LRRIQ1: variants seen among roughly 807,000 people sequenced by gnomAD.
The protein encoded by LRRIQ1 is leucine-rich repeat- and IQ domain-containing protein 1.
LRRIQ1 carries 210 observed loss-of-function variants against 211.9 expected under a neutral mutation model. That is an observed-to-expected ratio of 0.99 (90% CI 0.89 to 1.11). The LOEUF is 1.11. Among genes scored for constraint, LRRIQ1 ranks in the 50% most tolerant of loss-of-function variants. The pLI, the probability that LRRIQ1 is intolerant of heterozygous loss-of-function variation, is 0.00. For synonymous variants in LRRIQ1, 699 were observed against 650.1 expected, an observed-to-expected ratio of 1.08 and a Z score of -1.14; for missense variants, 2,136 against 1,939.5, an observed-to-expected ratio of 1.10 and a Z score of -1.90.
At chr12:85,206,307 T>A (rs1893540907) in intron 24 of LRRIQ1, among the ~76,000 whole-genome samples, 1 of 152,212 alleles carries the variant, frequency 6.6e-6, no homozygotes, top group East Asian at 1.9e-4. Context: ...GCATTCCATC[T>A]ACAAGTGGTA....
At chr12:85,216,215 G>A (rs758397730) in intron 24 of LRRIQ1, among the ~76,000 whole-genome samples, 1 of 151,960 alleles carries the variant, frequency 6.6e-6, no homozygotes, top group Non-Finnish European at 1.5e-5. Context: ...TGTCCCCATC[G>A]CTGTGTCCAT....
At chr12:85,110,320 A>G (rs1444054831) in intron 15 of LRRIQ1, among the ~76,000 whole-genome samples, 2 of 152,150 alleles carry the variant, frequency 1.3e-5, no homozygotes, top group African/African-American at 2.4e-5. Flanking sequence ...AAAAATAATA[A>G]TGATCAAAAC....
At chr12:85,105,342 G>T (rs1374695968) in intron 14 of LRRIQ1, among the ~76,000 whole-genome samples, 2 of 152,042 alleles carry the variant, frequency 1.3e-5, no homozygotes, top group Admixed American at 1.3e-4. Flanking sequence ...TTAGGCCTAT[G>T]ATCCCTCTCA....
rs182362688 is a variant in LRRIQ1, at chr12:85,121,191, G to A, written c.3378-506G>A. Among the ~76,000 whole-genome samples the A allele has an allele frequency of 6.6e-5, 10 of 152,090 alleles. No individual in the cohort carries two copies. The East Asian group carries it at 1.7e-3, about 26-fold the overall frequency. On this transcript the variant is annotated intron_variant, in intron 15 of 26. Coordinates refer to ENST00000393217, the MANE Select transcript of LRRIQ1 (RefSeq NM_001079910.2). ...CTTTATAATCCTTAGCAAGATTCAGGAGAAAATATAATTGTAGATGTTCCA... is the reference window on the plus strand; with the variant it reads ...CTTTATAATCCTTAGCAAGATTCAGAAGAAAATATAATTGTAGATGTTCCA...
At chr12:85,206,605 G>A (rs1893560938) in intron 24 of LRRIQ1, among the ~76,000 whole-genome samples, 1 of 152,124 alleles carries the variant, frequency 6.6e-6, no homozygotes, top group African/African-American at 2.4e-5. Flanking sequence ...CTGCATGAGT[G>A]ATTGCTAGCA....
At chr12:85,222,038 T>C (rs1894429528) in intron 24 of LRRIQ1, among the ~76,000 whole-genome samples, 1 of 152,148 alleles carries the variant, frequency 6.6e-6, no homozygotes. Context: ...TGGTAAAATA[T>C]GCAGTTGGAA....
chr12:85,259,856 A>G (rs1224368098), intron 1 of LRRIQ1, among the ~76,000 whole-genome samples: 2 of 152,066 alleles, frequency 1.3e-5, no homozygotes, highest in African/African-American at 4.8e-5. Context: ...AGTAAGTACA[A>G]AAAGATTTAA....
intron 1 of LRRIQ1, among the ~76,000 whole-genome samples, chr12:85,037,114 A>C (rs1241914960): frequency 6.6e-6 from 1 of 152,220 alleles, no homozygotes; most frequent in Non-Finnish European, 1.5e-5. Context: ...TTGTTATTAC[A>C]CGTTGAAATA....
chr12:85,153,908 A>G (rs967759863), intron 22 of LRRIQ1, 104 bp from the exon 23 acceptor site: 1 of 958,824 alleles, frequency 1.0e-6, no homozygotes, highest in African/African-American at 1.7e-5. Flanking sequence ...ATTCACATTT[A>G]TTTTAGTATG....
At chr12:85,213,790 G>A (rs2137082702) in intron 24 of LRRIQ1, among the ~76,000 whole-genome samples, 1 of 151,952 alleles carries the variant, frequency 6.6e-6, no homozygotes, top group African/African-American at 2.4e-5. Flanking sequence ...ACCACATATT[G>A]TAGACAACAA....
chr12:85,061,660 A>G (rs1881820639), intron 8 of LRRIQ1, among the ~76,000 whole-genome samples: 1 of 151,728 alleles, frequency 6.6e-6, no homozygotes, highest in Non-Finnish European at 1.5e-5. Flanking sequence ...TAATTGTTGA[A>G]TTTTCAATTC....
intron 24 of LRRIQ1, among the ~76,000 whole-genome samples, chr12:85,218,469 A>G (rs368207040): frequency 2.0e-5 from 3 of 152,050 alleles, no homozygotes; most frequent in Non-Finnish European, 2.9e-5. Flanking sequence ...TGTTCATTCT[A>G]TGTTATTATT....
chr12:85,271,369 A>G, the LRRIQ1 span, among the ~76,000 whole-genome samples: 1 of 152,190 alleles, frequency 6.6e-6, no homozygotes, highest in Admixed American at 6.5e-5. Context: ...AACTCAAGTC[A>G]ATCCACTTAG....
Position 85,098,933 on chromosome 12 carries a change from GTGGA to G in LRRIQ1, c.3149_3152del (p.Val1050GlufsTer21). 1 of 1,573,378 alleles carries G rather than the reference GTGGA, an allele frequency of 6.4e-7. No homozygotes were observed. Among genetic ancestry groups the G allele is most frequent in the Non-Finnish European group, 8.6e-7 (1 of 1,156,814 alleles). ...CTTGGATGATAACAGCATTTCAACT[GTGGA>G]AGCATTTTCTTCATACTGGCTGCCT... On this transcript the variant is annotated frameshift_variant, in exon 13 of 27. Transcript: ENST00000393217. LOFTEE classifies it high-confidence loss of function.
rs1879729615 is a variant in LRRIQ1, at chr12:85,047,344, A to T, written c.552A>T (p.Lys184Asn). The change falls in exon 6 of 27, where the codon AAA becomes AAT. Residue 184 changes from lysine (K) to asparagine (N), a missense_variant. Transcript: ENST00000393217. The part of the protein sequence containing the change: ...WQEKQKELED[K>N]EKQTLKAQRD... ...AGAAACAGAAGGAATTAGAAGATAA[A>T]GAGAAACAAACTCTCAAAGCTCAGA... 2 of 1,610,296 alleles carry T rather than the reference A, an allele frequency of 1.2e-6. No homozygotes were observed. Among genetic ancestry groups the T allele is most frequent in the African/African-American group, 1.3e-5 (1 of 74,842 alleles).
At chr12:85,271,342 A>G in the LRRIQ1 span, among the ~76,000 whole-genome samples, 5 of 152,092 alleles carry the variant, frequency 3.3e-5, no homozygotes, top group African/African-American at 1.2e-4. Context: ...AGTCTTTTAC[A>G]TGAAAAAAAA....
intron 8 of LRRIQ1, among the ~76,000 whole-genome samples, chr12:85,058,783 C>A (rs1305084479): frequency 6.6e-6 from 1 of 151,934 alleles, no homozygotes; most frequent in Admixed American, 6.6e-5. Flanking sequence ...TTCAATAGGT[C>A]TGGTGATCCA....
At chr12:85,103,269 T>G (rs1193634587) in intron 13 of LRRIQ1, among the ~76,000 whole-genome samples, 1 of 151,192 alleles carries the variant, frequency 6.6e-6, no homozygotes, top group Non-Finnish European at 1.5e-5. Context: ...TAATTATTAC[T>G]ATATTATAAT....
chr12:85,069,199 T>C (rs547690011), intron 10 of LRRIQ1, among the ~76,000 whole-genome samples: 1 of 151,776 alleles, frequency 6.6e-6, no homozygotes, highest in East Asian at 2.0e-4. Context: ...TGTTTGGTTT[T>C]TCGTCCTTGT....
Sources: allele counts gnomAD v4.1 joint callset (sites outside exome capture counted in the v4.1 genomes callset), GRCh38; gene constraint gnomAD v4.1.1; transcripts MANE v1.5; gene names NCBI Gene and HGNC (gene_info 2026-07-23, HGNC 2026-07-21).